Variants in SMARCAD1 observed in about 807,000 individuals in gnomAD.
SMARCAD1 encodes SNF2 related chromatin remodeling ATPase with DExD box 1.
Under a neutral mutation model 127.1 loss-of-function variants are expected in SMARCAD1, and 25 were observed. The observed-to-expected ratio is 0.20, with a 90% CI of 0.14 to 0.27. The LOEUF (loss-of-function observed/expected upper bound fraction) is 0.27, where lower values mean the gene tolerates loss of function less well. Among genes scored for constraint, SMARCAD1 ranks in the 10% least tolerant of loss-of-function variants. The probability of loss-of-function intolerance (pLI) is 1.00; values close to 1 mark genes in which losing one functional copy is unlikely to be tolerated. For synonymous variants in SMARCAD1, 400 were observed against 396.9 expected (o/e 1.01, Z -0.09); for missense variants, 807 against 1,206.0 (o/e 0.67, Z 4.90).
At chr4:94,220,477 A>C (rs911936600) in intron 2 of SMARCAD1, among the ~76,000 whole-genome samples, 9 of 152,048 alleles carry the variant, frequency 5.9e-5, no homozygotes, top group Non-Finnish European at 1.3e-4. Context: ...CGAACTCCTG[A>C]CCTCAAGTGA....
rs199753081 is a variant in SMARCAD1 at position 94,250,194 on chromosome 4, T to TA, written c.807+448dup. On this transcript the variant is annotated intron_variant, in intron 7 of 23. Coordinates refer to ENST00000354268, the MANE Select transcript of SMARCAD1 (RefSeq NM_020159.5). ...ATAGTGAGAATGTTTTCAGAGTCAT[T>TA]AAAAAAAAAGACTCATGCCACGCAT... Among the ~76,000 whole-genome samples, 464 of 150,304 alleles carry TA rather than the reference T, an allele frequency of 3.1e-3. 2 individuals carry two copies. The highest frequency in any genetic ancestry group is 0.01 in the African/African-American group (416 of 41,224).
intron 10 of SMARCAD1, among the ~76,000 whole-genome samples, chr4:94,267,759 T>C (rs1356242914): frequency 6.6e-6 from 1 of 152,166 alleles, no homozygotes; most frequent in Non-Finnish European, 1.5e-5. Context: ...TTTAATACTC[T>C]GTTGAGAAGA....
At position 94,253,021 on chromosome 4, in the gene SMARCAD1, C is replaced by CT; in HGVS notation, c.1281+21dup. ...TGGGAGGCTCTGGTAAGGCTTTATT[C>CT]TTTTTTTCCCCTTGTATGTGTGTGT... On this transcript the variant is annotated intron_variant, in intron 9 of 23. Transcript: ENST00000354268. 1.9e-6 allele frequency: 3 copies of CT among 1,608,856 alleles called. No individual in the cohort carries two copies. Among genetic ancestry groups the CT allele is most frequent in the Non-Finnish European group, 2.5e-6 (3 of 1,179,930 alleles).
intron 2 of SMARCAD1, among the ~76,000 whole-genome samples, chr4:94,219,402 C>G (rs541442657): frequency 1.3e-5 from 2 of 151,914 alleles, no homozygotes; most frequent in South Asian, 4.2e-4. Flanking sequence ...TTCGAATGAG[C>G]CTTAATCTCC....
chr4:94,207,685 AT>A (rs754647071), upstream of SMARCAD1: 50 of 153,422 alleles, frequency 3.3e-4, no homozygotes, highest in South Asian at 4.0e-3. Flanking sequence ...ACGCTAGGAA[AT>A]TTTTTTTTTA....
rs191009523 is a variant in SMARCAD1 at position 94,239,699 on chromosome 4, A to G, written c.605-1207A>G. Among the ~76,000 whole-genome samples the G allele has an allele frequency of 1.1e-4, 17 of 151,950 alleles. No homozygotes were observed. The East Asian group carries it at 2.9e-3, about 26-fold the overall frequency. ...GTGATCCTCACGCCTCAGCCTTCCA[A>G]GTAGCTGGGACTACAGGCATGCACC... On this transcript the variant is annotated intron_variant, in intron 5 of 23. Coordinates refer to ENST00000354268, the MANE Select transcript of SMARCAD1 (RefSeq NM_020159.5).
intron 2 of SMARCAD1, among the ~76,000 whole-genome samples, chr4:94,222,377 TAA>T (rs1195224771): frequency 6.6e-6 from 1 of 152,122 alleles, no homozygotes; most frequent in Admixed American, 6.6e-5. Context: ...CTTTGGGACT[TAA>T]AGAGTACGAA....
At chr4:94,215,118 C>G (rs1742956520) in intron 2 of SMARCAD1, among the ~76,000 whole-genome samples, 1 of 152,108 alleles carries the variant, frequency 6.6e-6, no homozygotes, top group African/African-American at 2.4e-5. Context: ...AATTCCGTGA[C>G]CATTGCGCAA....
chr4:94,244,985 A>G (rs1472041626), intron 6 of SMARCAD1, among the ~76,000 whole-genome samples: 3 of 152,216 alleles, frequency 2.0e-5, no homozygotes, highest in Non-Finnish European at 2.9e-5. Flanking sequence ...AAGTGGTTAC[A>G]GAATGTTGGA....
intron 12 of SMARCAD1, among the ~76,000 whole-genome samples, chr4:94,274,426 C>A (rs1045201587): frequency 3.3e-5 from 5 of 152,150 alleles, no homozygotes; most frequent in African/African-American, 1.2e-4. Flanking sequence ...CCCAGGTTCT[C>A]GTGCCTCAGC....
chr4:94,235,168 A>G (rs1270733052), intron 4 of SMARCAD1, among the ~76,000 whole-genome samples: 1 of 144,904 alleles, frequency 6.9e-6, no homozygotes, highest in Non-Finnish European at 1.5e-5. Context: ...AAGAAACCTT[A>G]TATCCATTAG....
chr4:94,213,176 A>G (rs1157138246), intron 2 of SMARCAD1: 2 of 1,159,182 alleles, frequency 1.7e-6, no homozygotes, highest in Non-Finnish European at 2.3e-6. Context: ...TAGTTAAAAT[A>G]GTATGGTGTG....
intron 2 of SMARCAD1, among the ~76,000 whole-genome samples, chr4:94,218,290 TA>T (rs1743524304): frequency 1.3e-5 from 2 of 151,956 alleles, no homozygotes; most frequent in Admixed American, 6.5e-5. Flanking sequence ...TGTTTTATTT[TA>T]TTTTTTTTTT....
intron 20 of SMARCAD1, 136 bp from the exon 21 acceptor site, chr4:94,281,336 A>C (rs1467916999): frequency 2.8e-6 from 2 of 727,092 alleles, no homozygotes; most frequent in Non-Finnish European, 5.0e-6. Context: ...TGTATTAAAG[A>C]AGCAGTTTAT....
In SMARCAD1 at chr4:94,208,599, T is replaced by G. The variant is rs1741645337; in HGVS notation, c.190+15T>G. ...TGAAAAAACAGGTGAGTTACAATGT[T>G]AAAATTGATGTAACATCAAGGACAG... On this transcript the variant is annotated intron_variant, in intron 2 of 23. Coordinates refer to ENST00000354268, the MANE Select transcript of SMARCAD1 (RefSeq NM_020159.5). The G allele has an allele frequency of 6.2e-7, 1 of 1,611,260 alleles. No homozygotes were observed. The highest frequency in any genetic ancestry group is 8.5e-7 in the Non-Finnish European group (1 of 1,177,488).
intron 4 of SMARCAD1, among the ~76,000 whole-genome samples, chr4:94,236,420 A>G (rs747010114): frequency 9.9e-5 from 15 of 152,188 alleles, no homozygotes; most frequent in Non-Finnish European, 1.6e-4. Flanking sequence ...CAATTCAGAA[A>G]TAGAGTAAAA....
At chr4:94,280,501 T>A (rs1753870322) in intron 19 of SMARCAD1, 91 bp from the exon 20 acceptor site, 2 of 1,107,106 alleles carry the variant, frequency 1.8e-6, no homozygotes, top group Non-Finnish European at 2.6e-6. Flanking sequence ...TTTAGATATT[T>A]TATCAGGTAT....
At chr4:94,267,342 GT>G (rs796549842) in intron 10 of SMARCAD1, among the ~76,000 whole-genome samples, 18 of 152,268 alleles carry the variant, frequency 1.2e-4, no homozygotes, top group African/African-American at 4.1e-4. Context: ...GACTAATATT[GT>G]GGTAGTATTT....
At chr4:94,233,317 T>G (rs1746135236) in intron 3 of SMARCAD1, among the ~76,000 whole-genome samples, 1 of 152,218 alleles carries the variant, frequency 6.6e-6, no homozygotes, top group Non-Finnish European at 1.5e-5. Context: ...GAGATTTTTT[T>G]GTTTAGGGAA....
Sources: allele counts gnomAD v4.1 joint callset (sites outside exome capture counted in the v4.1 genomes callset), GRCh38; gene constraint gnomAD v4.1.1; transcripts MANE v1.5; gene names NCBI Gene and HGNC (gene_info 2026-07-23, HGNC 2026-07-21).